SGCZ: variants seen among roughly 807,000 people sequenced by gnomAD.
SGCZ encodes the protein zeta-sarcoglycan.
Under a neutral mutation model 41.3 loss-of-function variants are expected in SGCZ, and 40 were observed. The observed-to-expected ratio is 0.97, with a 90% confidence interval of 0.75 to 1.26. The LOEUF (loss-of-function observed/expected upper bound fraction) is 1.26. SGCZ is among the 50% of genes most tolerant of loss of function. The pLI is 0.00. For missense variants in SGCZ, 552 were observed against 369.8 expected (o/e 1.49, Z -4.04); for synonymous variants, 206 against 137.5 (o/e 1.50, Z -3.49).
chr8:14,180,801 A>G (rs1158176544), intron 4 of SGCZ, among the ~76,000 whole-genome samples: 1 of 151,974 alleles, frequency 6.6e-6, no homozygotes, highest in Non-Finnish European at 1.5e-5. Context: ...GCTCCTGAGA[A>G]CACCAATGGA....
At chr8:14,375,657 G>A (rs556177253) in intron 2 of SGCZ, among the ~76,000 whole-genome samples, 11 of 152,008 alleles carry the variant, frequency 7.2e-5, no homozygotes, top group Non-Finnish European at 1.6e-4. Flanking sequence ...ACATATATAT[G>A]AAAGTTACAC....
At chr8:15,231,266 T>G (rs574825713) in intron 1 of SGCZ, among the ~76,000 whole-genome samples, 1 of 152,298 alleles carries the variant, frequency 6.6e-6, no homozygotes, top group East Asian at 1.9e-4. Context: ...ATATGTCAAC[T>G]TGGCATAGAA....
chr8:14,226,066 G>T (rs1806362440), intron 4 of SGCZ, among the ~76,000 whole-genome samples: 1 of 151,854 alleles, frequency 6.6e-6, no homozygotes. Context: ...CTTATTTGGG[G>T]GGCTACCATG....
At chr8:15,076,753 C>CTTTTTT (rs566416257) in intron 1 of SGCZ, among the ~76,000 whole-genome samples, 1 of 143,742 alleles carries the variant, frequency 7.0e-6, no homozygotes, top group African/African-American at 2.7e-5. Flanking sequence ...AAGTCTCTCT[C>CTTTTTT]ATTTTTTTTT....
At chr8:14,337,481 A>G (rs1054236664) in intron 2 of SGCZ, among the ~76,000 whole-genome samples, 2 of 152,126 alleles carry the variant, frequency 1.3e-5, no homozygotes, top group African/African-American at 2.4e-5. Flanking sequence ...GAATTTTACT[A>G]TTGGAAAGGA....
At chr8:14,865,563 G>A (rs1803902382) in intron 1 of SGCZ, among the ~76,000 whole-genome samples, 1 of 152,114 alleles carries the variant, frequency 6.6e-6, no homozygotes, top group Non-Finnish European at 1.5e-5. Flanking sequence ...GCAGGTATAA[G>A]CATGACACGT....
chr8:15,107,879 G>T (rs1441332171), intron 1 of SGCZ, among the ~76,000 whole-genome samples: 1 of 152,120 alleles, frequency 6.6e-6, no homozygotes, highest in South Asian at 2.1e-4. Flanking sequence ...TATTTTCTTA[G>T]AAGTCACCCA....
intron 3 of SGCZ, among the ~76,000 whole-genome samples, chr8:14,272,094 C>T (rs1354772958): frequency 6.6e-6 from 1 of 152,124 alleles, no homozygotes; most frequent in Non-Finnish European, 1.5e-5. Context: ...AACTCTGCCT[C>T]CCAGGTTCAA....
At chr8:14,879,937 T>A (rs956255797) in intron 1 of SGCZ, 4 of 151,866 alleles carry the variant, frequency 2.6e-5, no homozygotes, top group African/African-American at 9.7e-5. Flanking sequence ...CCTTCCTGGG[T>A]TCAAGCAATT....
At chr8:14,254,731 G>T (rs868444370) in intron 3 of SGCZ, among the ~76,000 whole-genome samples, 1 of 148,524 alleles carries the variant, frequency 6.7e-6, no homozygotes, top group African/African-American at 2.4e-5. Flanking sequence ...TTTAGAATGT[G>T]AAAGACATCG....
At chr8:14,321,491 C>T (rs925120709) in intron 3 of SGCZ, among the ~76,000 whole-genome samples, 1 of 151,946 alleles carries the variant, frequency 6.6e-6, no homozygotes, top group East Asian at 1.9e-4. Context: ...GTTCAATAGA[C>T]ATCTCTTTAT....
intron 1 of SGCZ, among the ~76,000 whole-genome samples, chr8:14,629,619 T>C (rs983910319): frequency 1.3e-5 from 2 of 152,116 alleles, no homozygotes; most frequent in Middle Eastern, 3.2e-3. Flanking sequence ...TATGTATGCA[T>C]GCAAATGAAA....
At chr8:15,015,945 T>C (rs546801655) in intron 1 of SGCZ, among the ~76,000 whole-genome samples, 1 of 152,230 alleles carries the variant, frequency 6.6e-6, no homozygotes, top group South Asian at 2.1e-4. Flanking sequence ...TCCATTTTCC[T>C]GACATGTATG....
chr8:14,167,448 T>C (rs1193565132), intron 4 of SGCZ, among the ~76,000 whole-genome samples: 2 of 152,154 alleles, frequency 1.3e-5, no homozygotes, highest in African/African-American at 2.4e-5. Context: ...GGTAGTGCTA[T>C]ATTTTCTTAG....
chr8:15,216,817 A>C (rs1356870567), intron 1 of SGCZ, among the ~76,000 whole-genome samples: 1 of 152,118 alleles, frequency 6.6e-6, no homozygotes, highest in Non-Finnish European at 1.5e-5. Flanking sequence ...AAAACAGACT[A>C]GAATTAGGAG....
Position 14,201,412 on chromosome 8 carries a change from T to A in SGCZ, c.424+36180A>T, listed in dbSNP as rs997706846. Among the ~76,000 whole-genome samples the A allele has an allele frequency of 3.3e-5, 5 of 152,276 alleles. No individual in the cohort carries two copies. The South Asian group carries it at 1.0e-3, about 32-fold the overall frequency. Reference sequence around the variant, plus strand: ...AACTTTCAAATGGATAGAGAAACTGTGGTACATCCATGCAACAGAATACTC... The same window carrying A: ...AACTTTCAAATGGATAGAGAAACTGAGGTACATCCATGCAACAGAATACTC... On this transcript the variant is annotated intron_variant, in intron 4 of 7. Transcript: ENST00000382080.
At chr8:14,379,889 G>A (rs1460316517) in intron 2 of SGCZ, among the ~76,000 whole-genome samples, 5 of 151,868 alleles carry the variant, frequency 3.3e-5, no homozygotes, top group African/African-American at 7.3e-5. Flanking sequence ...GTGCCACCAC[G>A]CCCGCCTACT....
intron 3 of SGCZ, among the ~76,000 whole-genome samples, chr8:14,267,300 A>C (rs17294565): frequency 0.26 from 40,034 of 151,920 alleles, 6,762 homozygotes; most frequent in Non-Finnish European, 0.38. Context: ...AAATGAATCT[A>C]AGATCAATGA....
intron 1 of SGCZ, among the ~76,000 whole-genome samples, chr8:14,811,205 T>A (rs1316094128): frequency 6.6e-6 from 1 of 152,048 alleles, no homozygotes; most frequent in African/African-American, 2.4e-5. Flanking sequence ...GTTGTGTTCA[T>A]TAAAATGAAT....
Sources: allele counts gnomAD v4.1 joint callset (sites outside exome capture counted in the v4.1 genomes callset), GRCh38; gene constraint gnomAD v4.1.1; transcripts MANE v1.5; gene names NCBI Gene and HGNC (gene_info 2026-07-23, HGNC 2026-07-21).